The following NXPH1 variants were observed in gnomAD, a reference collection of about 807,000 sequenced individuals.
The protein encoded by NXPH1 is neurexophilin 1.
Under a neutral mutation model 23.7 loss-of-function variants are expected in NXPH1, and 5 were observed. The ratio of observed to expected loss-of-function variants is 0.21; its 90% CI spans 0.11 to 0.44. The LOEUF is 0.44. Among genes scored for constraint, NXPH1 ranks in the 20% least tolerant of loss-of-function variants. NXPH1 has a pLI of 0.99. For synonymous variants in NXPH1, 144 were observed against 122.2 expected, an observed-to-expected ratio of 1.18 and a Z score of -1.18; for missense variants, 324 against 321.6, an observed-to-expected ratio of 1.01 and a Z score of -0.06.
At chr7:8,493,073 G>T (rs1817277597) in intron 2 of NXPH1, among the ~76,000 whole-genome samples, 1 of 151,966 alleles carries the variant, frequency 6.6e-6, no homozygotes, top group Non-Finnish European at 1.5e-5. Flanking sequence ...AGCATGTGAT[G>T]AATAATCCAC....
Position 8,473,400 on chromosome 7 carries a change from G to T in NXPH1, c.54+37633G>T, listed in dbSNP as rs182482444. ...ATTTTCGCATGGTGACTATTTGTTTGTATTCTTGACAGGATGATAGTCAGC... is the reference window on the plus strand; with the variant it reads ...ATTTTCGCATGGTGACTATTTGTTTTTATTCTTGACAGGATGATAGTCAGC... On this transcript the variant is annotated intron_variant, in intron 2 of 2. Transcript: ENST00000405863. 3.0e-3 allele frequency among the ~76,000 whole-genome samples: 453 copies of T among 152,206 alleles called. 3 individuals carry two copies. The highest frequency in any genetic ancestry group is 0.01 in the African/African-American group (427 of 41,544).
At chr7:8,493,069 T>C (rs1817277506) in intron 2 of NXPH1, among the ~76,000 whole-genome samples, 2 of 152,100 alleles carry the variant, frequency 1.3e-5, no homozygotes, top group South Asian at 2.1e-4. Context: ...GGGCAGCATG[T>C]GATGAATAAT....
At chr7:8,530,229 C>T (rs1185589290) in intron 2 of NXPH1, among the ~76,000 whole-genome samples, 2 of 152,144 alleles carry the variant, frequency 1.3e-5, no homozygotes, top group Non-Finnish European at 2.9e-5. Flanking sequence ...GTCAGAAAGA[C>T]AAACTGCCCT....
chr7:8,703,579 G>A (rs1779659943), intron 2 of NXPH1, among the ~76,000 whole-genome samples: 1 of 151,976 alleles, frequency 6.6e-6, no homozygotes, highest in Non-Finnish European at 1.5e-5. Context: ...GTATGCAGTG[G>A]CGCTCAATTA....
intron 2 of NXPH1, among the ~76,000 whole-genome samples, chr7:8,704,315 G>T (rs1426252516): frequency 6.6e-6 from 1 of 152,096 alleles, no homozygotes; most frequent in Admixed American, 6.5e-5. Context: ...ATGGAGGTAG[G>T]TAGGTATTTT....
intron 2 of NXPH1, among the ~76,000 whole-genome samples, chr7:8,603,949 A>G (rs1371132605): frequency 6.6e-6 from 1 of 152,176 alleles, no homozygotes; most frequent in East Asian, 1.9e-4. Flanking sequence ...CTATTATTGA[A>G]ATCTATTCTT....
intron 2 of NXPH1, among the ~76,000 whole-genome samples, chr7:8,463,144 T>C (rs1260038529): frequency 6.6e-6 from 1 of 152,140 alleles, no homozygotes; most frequent in African/African-American, 2.4e-5. Flanking sequence ...CAATGGAAAA[T>C]AAGCCTTTTA....
chr7:8,531,064 A>T (rs1461075996), intron 2 of NXPH1, among the ~76,000 whole-genome samples: 2 of 152,318 alleles, frequency 1.3e-5, no homozygotes, highest in African/African-American at 4.8e-5. Context: ...TTGCTCTGGC[A>T]CTGAACAGAG....
At chr7:8,605,577 A>G (rs1333356258) in intron 2 of NXPH1, among the ~76,000 whole-genome samples, 1 of 152,176 alleles carries the variant, frequency 6.6e-6, no homozygotes, top group Non-Finnish European at 1.5e-5. Flanking sequence ...GTTATAACAC[A>G]GACAGAATAT....
At chr7:8,730,431 A>G (rs564994659) in intron 2 of NXPH1, among the ~76,000 whole-genome samples, 1 of 151,612 alleles carries the variant, frequency 6.6e-6, no homozygotes, top group African/African-American at 2.4e-5. Flanking sequence ...GTTTCTTCCT[A>G]GTCTTGATGG....
intron 2 of NXPH1, among the ~76,000 whole-genome samples, chr7:8,678,333 C>T (rs1820986340): frequency 6.6e-6 from 1 of 152,164 alleles, no homozygotes; most frequent in South Asian, 2.1e-4. Flanking sequence ...ACATCTTTCC[C>T]TTGAGTAGAT....
rs573668408 is a variant in NXPH1 at position 8,549,573 on chromosome 7, G to A, written c.54+113806G>A. On this transcript the variant is annotated intron_variant, in intron 2 of 2. Transcript: ENST00000405863. ...TTTTCTTCCCCCTCTATGGAAGAGA[G>A]AATTACTTATAAACAGACCCAGCCC... is the stretch of plus-strand genomic sequence containing the variant. 3.3e-5 allele frequency among the ~76,000 whole-genome samples: 5 copies of A among 151,592 alleles called. No individual in the cohort carries two copies. The South Asian group carries it at 1.0e-3, about 31-fold the overall frequency.
intron 2 of NXPH1, among the ~76,000 whole-genome samples, chr7:8,599,178 C>G (rs571981278): frequency 1.5e-4 from 23 of 152,124 alleles, no homozygotes; most frequent in Middle Eastern, 3.4e-3. Flanking sequence ...AAGCAGTTCT[C>G]AAAGAGATGA....
intron 2 of NXPH1, among the ~76,000 whole-genome samples, chr7:8,748,022 AT>A (rs1780500393): frequency 6.6e-6 from 1 of 152,200 alleles, no homozygotes; most frequent in South Asian, 2.1e-4. Flanking sequence ...CCATAATGGA[AT>A]GGCTTTATTG....
At chr7:8,571,472 G>GTATAGGCTGGATGCTTTCTTGCC (rs1818646451) in intron 2 of NXPH1, among the ~76,000 whole-genome samples, 3 of 151,874 alleles carry the variant, frequency 2.0e-5, no homozygotes, top group African/African-American at 7.3e-5. Context: ...TGCATATTAA[G>GTATAGGCTGGATGCTTTCTTGCC]CAGCCTGTAG....
intron 2 of NXPH1, among the ~76,000 whole-genome samples, chr7:8,586,177 A>C (rs1171763814): frequency 6.6e-6 from 1 of 152,146 alleles, no homozygotes; most frequent in Non-Finnish European, 1.5e-5. Flanking sequence ...GAAAATTTTA[A>C]TCCAAAAACA....
At chr7:8,547,093 T>C (rs925728830) in intron 2 of NXPH1, among the ~76,000 whole-genome samples, 7 of 151,372 alleles carry the variant, frequency 4.6e-5, no homozygotes, top group Non-Finnish European at 8.9e-5. Flanking sequence ...CTGTAAACCA[T>C]ATAAATATTT....
rs1176199612 is a variant in NXPH1 at position 8,717,424 on chromosome 7, G to A, written c.55-33584G>A. On this transcript the variant is annotated intron_variant, in intron 2 of 2. Coordinates refer to ENST00000405863, the MANE Select transcript of NXPH1 (RefSeq NM_152745.3). ...ACTGATCTTTAGTGAGTCAACCTCTGCAAAATGTTCCTAGGATTCGGCTGA... is the reference window on the plus strand; with the variant it reads ...ACTGATCTTTAGTGAGTCAACCTCTACAAAATGTTCCTAGGATTCGGCTGA... 2.0e-5 allele frequency among the ~76,000 whole-genome samples: 3 copies of A among 152,034 alleles called. No homozygotes were observed. In the East Asian group the frequency reaches 5.8e-4, roughly 29 times the overall value.
At chr7:8,461,974 T>C (rs1816704304) in intron 2 of NXPH1, among the ~76,000 whole-genome samples, 1 of 152,170 alleles carries the variant, frequency 6.6e-6, no homozygotes, top group Non-Finnish European at 1.5e-5. Context: ...TATATTAATA[T>C]AGATGTTCTT....
Sources: allele counts gnomAD v4.1 joint callset (sites outside exome capture counted in the v4.1 genomes callset), GRCh38; gene constraint gnomAD v4.1.1; transcripts MANE v1.5; gene names NCBI Gene and HGNC (gene_info 2026-07-23, HGNC 2026-07-21).